MSL1: variants seen among roughly 807,000 people sequenced by gnomAD.
MSL1 encodes the protein male-specific lethal 1 homolog.
A neutral mutation model predicts 64.6 loss-of-function variants in MSL1; 21 were observed. That is an observed-to-expected ratio of 0.33 (90% CI 0.23 to 0.47). MSL1 has a LOEUF of 0.47. Ranked by LOEUF, MSL1 falls within the 20% of genes least tolerant of loss-of-function variation. MSL1 has a pLI of 1.00. For missense variants in MSL1, 664 were observed against 793.2 expected, an observed-to-expected ratio of 0.84 and a Z score of 1.96; for synonymous variants, 339 against 329.6, an observed-to-expected ratio of 1.03 and a Z score of -0.31.
Position 40,133,590 on chromosome 17 carries a change from T to C in MSL1, c.1613T>C (p.Met538Thr). ...QRILQRLQLRMYKKKGIQESE... is the reference protein window; with the variant it reads ...QRILQRLQLRTYKKKGIQESE... ...ATTTTACAGCGACTGCAGCTCAGAA[T>C]GTATAAAAAGAAAGGAATTCAGGAA... is the stretch of plus-strand genomic sequence containing the variant. Residue 538 changes from methionine to threonine, a missense_variant, in exon 7 of 9, where the codon ATG becomes ACG. Coordinates refer to ENST00000398532, the MANE Select transcript of MSL1 (RefSeq NM_001365919.1). The C allele has an allele frequency of 6.2e-7, 1 of 1,613,068 alleles. No homozygotes were observed. Among genetic ancestry groups the C allele is most frequent in the East Asian group, 2.2e-5 (1 of 44,876 alleles).
At chr17:40,125,383 A>G (rs1988290520) in intron 1 of MSL1, among the ~76,000 whole-genome samples, 1 of 152,238 alleles carries the variant, frequency 6.6e-6, no homozygotes, top group South Asian at 2.1e-4. Context: ...CCCCTTTCAA[A>G]TAACACTGCC....
At chr17:40,132,176 G>A in intron 5 of MSL1, 78 bp downstream of exon 5, 1 of 1,004,548 alleles carries the variant, frequency 1.0e-6, no homozygotes, top group Non-Finnish European at 1.5e-6. Context: ...AAATGTCATA[G>A]TACTATGGAT....
At position 40,135,568 on chromosome 17, in the gene MSL1, C is replaced by T. The variant is rs16965660; in HGVS notation, c.*1199C>T. ...GGTCTAATCTCCTAGAAGGTAGGGG[C>T]TTTTATCCTTAAAGAGAATATGTCC... On this transcript the variant is annotated 3_prime_UTR_variant, in exon 9 of 9. Coordinates refer to ENST00000398532, the MANE Select transcript of MSL1 (RefSeq NM_001365919.1). 0.064 allele frequency: 9,823 copies of T among 152,296 alleles called. 690 individuals carry two copies. Among genetic ancestry groups the T allele is most frequent in the African/African-American group, 0.17 (7,120 of 41,492 alleles). 9.4% of individuals were successfully genotyped at this position (152,296 alleles called of 1,614,324 possible). A position where few individuals can be genotyped will look rare whatever the true frequency, so the allele number is the denominator to read the frequency against.
chr17:40,131,962 T>C lies in MSL1; in HGVS notation c.1424-72T>C. The C allele has an allele frequency of 1.8e-6, 2 of 1,099,558 alleles. No homozygotes were observed. Among genetic ancestry groups the C allele is most frequent in the South Asian group, 2.7e-5 (2 of 74,842 alleles). 68.1% of individuals were successfully genotyped at this position (1,099,558 alleles called of 1,614,324 possible). ...GGGAGAGACCTCTTATCCTAGTGAA[T>C]AGTTGTGCAACTTTGGATTTAAGGG... On this transcript the variant is annotated intron_variant, in intron 4 of 8. Transcript: ENST00000398532. The surrounding 1 kb of genome is among the most constrained non-coding windows in gnomAD (Gnocchi z 4.5).
In MSL1 at chr17:40,122,543, CGA is replaced by C; in HGVS notation, c.-69_-68del. 1 of 809,824 alleles carries C rather than the reference CGA, an allele frequency of 1.2e-6. No homozygotes were observed. The highest frequency in any genetic ancestry group is 1.8e-6 in the Non-Finnish European group (1 of 567,578). 50.2% of individuals were successfully genotyped at this position (809,824 alleles called of 1,614,324 possible). A position where few individuals can be genotyped will look rare whatever the true frequency, so the allele number is the denominator to read the frequency against. On this transcript the variant is annotated 5_prime_UTR_variant, in exon 1 of 9. Coordinates refer to ENST00000398532, the MANE Select transcript of MSL1 (RefSeq NM_001365919.1). The surrounding 1 kb of genome is among the most constrained non-coding windows in gnomAD (Gnocchi z 4.2). Reference sequence around the variant, plus strand: ...AACTCCCCTCCCCCCCCTCAGTCCTCGACCCCCCGCACCTCGCCCCTTCCCCA... The same window carrying C: ...AACTCCCCTCCCCCCCCTCAGTCCTCCCCCCCGCACCTCGCCCCTTCCCCA...
At chr17:40,130,759 T>A in intron 3 of MSL1, among the ~76,000 whole-genome samples, 1 of 152,226 alleles carries the variant, frequency 6.6e-6, no homozygotes. Flanking sequence ...GTTGGTTCAG[T>A]CAGTTGAACA....
At chr17:40,127,605 C>A (rs1220352299) in intron 2 of MSL1, among the ~76,000 whole-genome samples, 1 of 152,112 alleles carries the variant, frequency 6.6e-6, no homozygotes, top group Non-Finnish European at 1.5e-5. Flanking sequence ...CTTCAGCCTC[C>A]CATGTAGCTA....
Position 40,129,476 on chromosome 17 carries a change from C to T in MSL1, c.1224C>T (p.Ser408=). The T allele has an allele frequency of 1.9e-6, 3 of 1,613,918 alleles. No homozygotes were observed. The highest frequency in any genetic ancestry group is 2.5e-6 in the Non-Finnish European group (3 of 1,179,884). Residue 408 remains serine (S), a synonymous_variant, in exon 3 of 9, where the codon AGC becomes AGT. Transcript: ENST00000398532. ...TCTCCACTCCCCAAAAGGGACCCAG[C>T]ACCCATCCCAAGGAGAAAGCCTTCT... is the stretch of plus-strand genomic sequence containing the variant. The part of the protein sequence containing the change: ...PRLSTPQKGP[S]THPKEKAFSS...
Position 40,124,326 on chromosome 17 carries a change from C to T in MSL1, c.768+946C>T, listed in dbSNP as rs183517861. 4.6e-5 allele frequency among the ~76,000 whole-genome samples: 7 copies of T among 151,746 alleles called. No homozygotes were observed. The East Asian group carries it at 1.4e-3, about 29-fold the overall frequency. On this transcript the variant is annotated intron_variant, in intron 1 of 8. Transcript: ENST00000398532. ...TTCAGGCTGCAGCAGTCTCTCTCTCCCTCTCTCCCTCCCTCTTCCTCCCTC... is the reference window on the plus strand; with the variant it reads ...TTCAGGCTGCAGCAGTCTCTCTCTCTCTCTCTCCCTCCCTCTTCCTCCCTC...
intron 3 of MSL1, 170 bp downstream of exon 3, chr17:40,129,797 TG>T: frequency 1.5e-6 from 1 of 677,824 alleles, no homozygotes; most frequent in Non-Finnish European, 2.3e-6. Flanking sequence ...TGCAAATAGA[TG>T]GAATTACAGC....
At position 40,133,532 on chromosome 17, in the gene MSL1, A is replaced by C; in HGVS notation, c.1557-2A>C. On this transcript the variant is annotated splice_acceptor_variant, in intron 6 of 8. Transcript: ENST00000398532. LOFTEE classifies it high-confidence loss of function. The stretch of plus-strand genomic sequence containing the variant: ...TTGTTTTGTTTGGTTTGTTTTTCCC[A>C]GATGGGATATTCAGAGGATCAGGGA... The C allele has an allele frequency of 6.2e-7, 1 of 1,608,498 alleles. No homozygotes were observed. The highest frequency in any genetic ancestry group is 8.5e-7 in the Non-Finnish European group (1 of 1,177,496).
chr17:40,126,311 A>G lies in MSL1; in HGVS notation c.897A>G (p.Lys299=). 1 of 1,613,972 alleles carries G rather than the reference A, an allele frequency of 6.2e-7. No homozygotes were observed. Among genetic ancestry groups the G allele is most frequent in the Non-Finnish European group, 8.5e-7 (1 of 1,179,880 alleles). Residue 299 remains lysine (K), a synonymous_variant, in exon 2 of 9, where the codon AAA becomes AAG. Transcript: ENST00000398532. ...GAGAGGAAACAGAGCTATCTGAGAAAATTAAACTGGAGTGCCAGCCGGAGC... is the reference window on the plus strand; with the variant it reads ...GAGAGGAAACAGAGCTATCTGAGAAGATTAAACTGGAGTGCCAGCCGGAGC... The part of the protein sequence containing the change: ...EEREETELSE[K]IKLECQPELS...
chr17:40,124,393 C>A (rs1438755838), intron 1 of MSL1, among the ~76,000 whole-genome samples: 1 of 151,980 alleles, frequency 6.6e-6, no homozygotes, highest in Non-Finnish European at 1.5e-5. Context: ...CTCCCTCCCT[C>A]CCCGCCGTCC....
chr17:40,131,573 C>G lies in MSL1; in HGVS notation c.1412C>G (p.Ser471Ter). Reference sequence around the variant, plus strand: ...CCATCAAGTGTTGCAGGAGAAACTTCAGTCTTGGCTGGTGAGTAGAATAGG... The same window carrying G: ...CCATCAAGTGTTGCAGGAGAAACTTGAGTCTTGGCTGGTGAGTAGAATAGG... ...LMPSSVAGET[S>*]VLAVPSWRDH... Residue 471 changes from serine to a stop codon, truncating the protein, a stop_gained, in exon 4 of 9, where the codon TCA (serine) becomes TGA (stop). Coordinates refer to ENST00000398532, the MANE Select transcript of MSL1 (RefSeq NM_001365919.1). LOFTEE classifies it high-confidence loss of function. The surrounding 1 kb of genome is among the most constrained non-coding windows in gnomAD (Gnocchi z 4.5). 1 of 1,613,720 alleles carries G rather than the reference C, an allele frequency of 6.2e-7. No homozygotes were observed. The highest frequency in any genetic ancestry group is 8.5e-7 in the Non-Finnish European group (1 of 1,179,766).
chr17:40,129,047 A>G (rs777940590), intron 2 of MSL1, among the ~76,000 whole-genome samples, 198 bp from the exon 3 acceptor site: 58 of 151,808 alleles, frequency 3.8e-4, no homozygotes, highest in Middle Eastern at 3.2e-3. Context: ...AAAATTTACT[A>G]TGGGCCTATT....
intron 2 of MSL1, among the ~76,000 whole-genome samples, chr17:40,128,379 T>C (rs1054499080): frequency 2.1e-5 from 3 of 145,468 alleles, no homozygotes; most frequent in Admixed American, 2.0e-4. Flanking sequence ...CTTTTTTTTT[T>C]TTTTTTTTTT....
chr17:40,131,487 G>A lies in MSL1; in HGVS notation c.1376-50G>A, dbSNP rs767796015. ...ATCCTTTCCTCCATTTGGGGTATGG[G>A]CTTTTTTTCTTTTTACACTGAGATT... On this transcript the variant is annotated intron_variant, in intron 3 of 8. Transcript: ENST00000398532. The surrounding 1 kb of genome is among the most constrained non-coding windows in gnomAD (Gnocchi z 4.5). 3 of 1,554,744 alleles carry A rather than the reference G, an allele frequency of 1.9e-6. No homozygotes were observed. Among genetic ancestry groups the A allele is most frequent in the Non-Finnish European group, 1.8e-6 (2 of 1,127,318 alleles).
rs1567668622 is a variant in MSL1, at chr17:40,126,169, A to C, written c.769-14A>C. 2 of 1,612,068 alleles carry C rather than the reference A, an allele frequency of 1.2e-6. No homozygotes were observed. Among genetic ancestry groups the C allele is most frequent in the East Asian group, 2.2e-5 (1 of 44,874 alleles). On this transcript the variant is annotated splice_polypyrimidine_tract_variant and intron_variant, in intron 1 of 8. Transcript: ENST00000398532. ...TTATGTGTTAAGTCTGCATTTTGCT[A>C]CTCTCTCTTTTAGCTCCTTGCTCGG... is the stretch of plus-strand genomic sequence containing the variant.
chr17:40,132,640 CACACA>C, intron 5 of MSL1, among the ~76,000 whole-genome samples: 1 of 152,184 alleles, frequency 6.6e-6, no homozygotes, highest in South Asian at 2.1e-4. Flanking sequence ...CCATCACACA[CACACA>C]AAAAAAAGCA....
Sources: allele counts gnomAD v4.1 joint callset (sites outside exome capture counted in the v4.1 genomes callset), GRCh38; gene constraint gnomAD v4.1.1; non-coding constraint Gnocchi (gnomAD v3.1); transcripts MANE v1.5; gene names NCBI Gene and HGNC (gene_info 2026-07-23, HGNC 2026-07-21).